GRIN2B: variants seen among roughly 807,000 people sequenced by gnomAD.
GRIN2B encodes the protein glutamate receptor ionotropic, NMDA 2B.
In GRIN2B, 5 loss-of-function variants were observed where a neutral mutation model predicts 114.5. That is an observed-to-expected ratio of 0.04 (90% confidence interval 0.02 to 0.09). The LOEUF is 0.09. GRIN2B is among the 10% of genes least tolerant of loss of function. The pLI is 1.00. For synonymous variants in GRIN2B, 787 were observed against 745.1 expected (o/e 1.06, Z -0.92); for missense variants, 1,108 against 1,943.5 (o/e 0.57, Z 8.08).
intron 10 of GRIN2B, among the ~76,000 whole-genome samples, chr12:13,574,191 T>C (rs185565324): frequency 2.2e-4 from 33 of 152,314 alleles, no homozygotes; most frequent in Admixed American, 1.2e-3. Context: ...GCCTAATTAA[T>C]AGTCACTCCT....
chr12:13,614,016 C>CAAAAAAAAAA (rs77527098), intron 8 of GRIN2B, among the ~76,000 whole-genome samples: 9 of 92,894 alleles, frequency 9.7e-5, no homozygotes, highest in Non-Finnish European at 1.3e-4. Flanking sequence ...CCTTGCACAG[C>CAAAAAAAAAA]AAAAAAAAAA....
intron 5 of GRIN2B, among the ~76,000 whole-genome samples, chr12:13,621,955 CGTTTGTCCCCCCA>C (rs1949522430): frequency 6.6e-6 from 1 of 151,650 alleles, no homozygotes; most frequent in Non-Finnish European, 1.5e-5. Context: ...AAAGCCCCCA[CGTTTGTCCCCCCA>C]CCATGAACAG....
intron 2 of GRIN2B, among the ~76,000 whole-genome samples, chr12:13,920,132 C>T (rs1866797856): frequency 1.3e-5 from 2 of 151,498 alleles, no homozygotes; most frequent in Non-Finnish European, 2.9e-5. Context: ...GGTGTGGTGG[C>T]TTACACCTGT....
At chr12:13,704,176 G>C (rs922625526) in intron 4 of GRIN2B, among the ~76,000 whole-genome samples, 7 of 152,164 alleles carry the variant, frequency 4.6e-5, no homozygotes, top group African/African-American at 1.7e-4. Context: ...GTCTGATGCT[G>C]AGACCGGGAG....
Position 13,540,809 on chromosome 12 carries a change from G to A in GRIN2B, c.*21974C>T, listed in dbSNP as rs1236190810. 1 of 152,238 alleles carries A rather than the reference G, an allele frequency of 6.6e-6. No individual in the cohort carries two copies. Among genetic ancestry groups the A allele is most frequent in the African/African-American group, 2.4e-5 (1 of 41,428 alleles). The allele number at this position is 152,238 out of a possible 1,614,324, so 9.4% of individuals were successfully genotyped here. A position where few individuals can be genotyped will look rare whatever the true frequency, so the allele number is the denominator to read the frequency against. ...TGAGAGTCAAGAGGAAGGAGAGCCG[G>A]CCCCAGGGAGGAGTGTGGAGTCTGG... On this transcript the variant is annotated 3_prime_UTR_variant, in exon 14 of 14. Transcript: ENST00000609686.
chr12:13,690,285 CCACACACACACA>C (rs72073823), intron 4 of GRIN2B, among the ~76,000 whole-genome samples: 22 of 144,778 alleles, frequency 1.5e-4, no homozygotes, highest in South Asian at 6.8e-4. Context: ...CTATGTCACA[CCACACACACACA>C]CACACACACA....
intron 3 of GRIN2B, among the ~76,000 whole-genome samples, chr12:13,843,310 A>G (rs1489313740): frequency 2.6e-5 from 4 of 151,806 alleles, no homozygotes; most frequent in Admixed American, 2.6e-4. Flanking sequence ...GCTGATTACT[A>G]TGAGTGTGAT....
At chr12:13,812,056 T>C (rs757683962) in intron 3 of GRIN2B, among the ~76,000 whole-genome samples, 7 of 152,118 alleles carry the variant, frequency 4.6e-5, no homozygotes, top group Non-Finnish European at 8.8e-5. Flanking sequence ...CATAGAAGTC[T>C]CAAAAGAAAA....
chr12:13,759,375 T>C (rs1200585929), intron 3 of GRIN2B, among the ~76,000 whole-genome samples: 2 of 152,154 alleles, frequency 1.3e-5, no homozygotes, highest in Non-Finnish European at 2.9e-5. Context: ...TAAAAAGTTA[T>C]ACATAAACTG....
intron 2 of GRIN2B, among the ~76,000 whole-genome samples, chr12:13,881,616 C>T (rs376695051): frequency 2.8e-4 from 42 of 152,216 alleles, no homozygotes; most frequent in African/African-American, 1.0e-3. Context: ...TTGTCATTTT[C>T]GTTTGTCTAA....
chr12:13,686,098 C>A (rs1349263438), intron 4 of GRIN2B, among the ~76,000 whole-genome samples: 3 of 152,104 alleles, frequency 2.0e-5, no homozygotes, highest in Non-Finnish European at 4.4e-5. Context: ...TCAGTCAAAC[C>A]CACATCTTAT....
chr12:13,911,933 G>A (rs1484207357), intron 2 of GRIN2B, among the ~76,000 whole-genome samples: 7 of 152,146 alleles, frequency 4.6e-5, no homozygotes, highest in Non-Finnish European at 8.8e-5. Context: ...AAGCTTTGCC[G>A]TACTGTGCGT....
chr12:13,903,966 C>A (rs1368171168), intron 2 of GRIN2B, among the ~76,000 whole-genome samples: 1 of 151,868 alleles, frequency 6.6e-6, no homozygotes, highest in East Asian at 1.9e-4. Flanking sequence ...TCTATTTTAT[C>A]TGATGTTAAT....
intron 2 of GRIN2B, among the ~76,000 whole-genome samples, chr12:13,978,062 G>A (rs373120630): frequency 4.6e-5 from 7 of 152,056 alleles, no homozygotes; most frequent in African/African-American, 1.2e-4. Flanking sequence ...ACCAACAAAC[G>A]AACATTCCAA....
intron 2 of GRIN2B, among the ~76,000 whole-genome samples, chr12:13,896,004 A>G (rs887930769): frequency 7.2e-5 from 11 of 152,190 alleles, no homozygotes. Flanking sequence ...ATAGTATATC[A>G]TATATATCCT....
intron 4 of GRIN2B, among the ~76,000 whole-genome samples, chr12:13,704,502 C>T (rs1024885068): frequency 5.3e-5 from 8 of 152,264 alleles, no homozygotes; most frequent in Non-Finnish European, 7.4e-5. Flanking sequence ...GCTGAAATAA[C>T]ACCCACAGCA....
intron 5 of GRIN2B, among the ~76,000 whole-genome samples, chr12:13,657,695 G>A (rs1363082354): frequency 6.6e-6 from 1 of 152,050 alleles, no homozygotes; most frequent in African/African-American, 2.4e-5. Context: ...GAGTACAGAG[G>A]GGCAGAAATT....
chr12:13,937,955 C>T (rs1867157976), intron 2 of GRIN2B, among the ~76,000 whole-genome samples: 1 of 151,880 alleles, frequency 6.6e-6, no homozygotes, highest in Non-Finnish European at 1.5e-5. Context: ...AGGAAGTATG[C>T]AATGTCATAC....
At chr12:13,673,230 T>C (rs1027571340) in intron 5 of GRIN2B, among the ~76,000 whole-genome samples, 5 of 152,154 alleles carry the variant, frequency 3.3e-5, no homozygotes, top group African/African-American at 1.2e-4. Context: ...TATAATTGGA[T>C]AATTCATTCT....
Sources: gnomAD v4.1 joint callset for allele counts (sites outside exome capture counted in the v4.1 genomes callset) on GRCh38, gnomAD v4.1.1 for gene constraint, MANE v1.5 for transcripts, NCBI Gene and HGNC (gene_info 2026-07-23, HGNC 2026-07-21) for gene names.